The following SERPINA12 variants were observed in gnomAD, a reference collection of about 807,000 sequenced individuals.
SERPINA12 encodes serpin A12.
In SERPINA12, 21 loss-of-function variants were observed where a neutral mutation model predicts 25.9. That is an observed-to-expected ratio of 0.81 (90% confidence interval 0.58 to 1.17). SERPINA12 has a LOEUF of 1.17. SERPINA12 is among the 50% of genes most tolerant of loss of function. The pLI, the probability that SERPINA12 is intolerant of heterozygous loss-of-function variation, is 0.00. For synonymous variants in SERPINA12, 220 were observed against 196.0 expected (o/e 1.12, Z -1.02); for missense variants, 562 against 508.3 (o/e 1.11, Z -1.02).
At chr14:94,511,428 AT>A, upstream of SERPINA12, 8 of 985,418 alleles carry the variant, frequency 8.1e-6, no homozygotes, top group African/African-American at 1.7e-5. Context: ...CAGAAAAAAA[AT>A]ATGTGGATAC....
At chr14:94,509,146 C>A (rs973920015) in intron 1 of SERPINA12, among the ~76,000 whole-genome samples, 196 bp downstream of exon 1, 1 of 152,138 alleles carries the variant, frequency 6.6e-6, no homozygotes. Context: ...TGGCAGCCAG[C>A]ACAGACCCAT....
chr14:94,505,146 C>T (rs1734172570), intron 1 of SERPINA12, among the ~76,000 whole-genome samples: 1 of 152,206 alleles, frequency 6.6e-6, no homozygotes, highest in South Asian at 2.1e-4. Context: ...TCGGAGGCCT[C>T]GGAAGAGCCA....
intron 2 of SERPINA12, among the ~76,000 whole-genome samples, chr14:94,496,965 G>A (rs1393839129): frequency 6.6e-6 from 1 of 152,180 alleles, no homozygotes; most frequent in Non-Finnish European, 1.5e-5. Flanking sequence ...CAATTAATGA[G>A]GGCTAATTGA....
chr14:94,509,295 C>T (rs1901041723), intron 1 of SERPINA12, among the ~76,000 whole-genome samples, 47 bp downstream of exon 1: 1 of 150,982 alleles, frequency 6.6e-6, no homozygotes, highest in African/African-American at 2.4e-5. Context: ...CACACACACA[C>T]ACACACACAC....
At chr14:94,511,768 G>T (rs2139866568), upstream of SERPINA12, 1 of 963,982 alleles carries the variant, frequency 1.0e-6, no homozygotes, top group East Asian at 1.2e-4. Flanking sequence ...CAGGTGTGGG[G>T]GAGAGAGAAA....
chr14:94,497,586 A>T (rs1234933798), intron 2 of SERPINA12, among the ~76,000 whole-genome samples, 178 bp downstream of exon 2: 1 of 152,222 alleles, frequency 6.6e-6, no homozygotes, highest in East Asian at 1.9e-4. Flanking sequence ...TTTAAATCTC[A>T]ATAACTGTAT....
At chr14:94,494,234 T>C (rs954394151) in intron 3 of SERPINA12, among the ~76,000 whole-genome samples, 2 of 152,200 alleles carry the variant, frequency 1.3e-5, no homozygotes, top group Non-Finnish European at 2.9e-5. Flanking sequence ...CCTAGGGAGA[T>C]CTCTCAAGAC....
At chr14:94,507,510 A>G (rs1900973706) in intron 1 of SERPINA12, among the ~76,000 whole-genome samples, 1 of 152,260 alleles carries the variant, frequency 6.6e-6, no homozygotes, top group African/African-American at 2.4e-5. Flanking sequence ...GACTGAAAAA[A>G]GACAACAACT....
upstream of SERPINA12, chr14:94,510,101 C>T (rs899272617): frequency 7.2e-5 from 71 of 985,266 alleles, no homozygotes; most frequent in Non-Finnish European, 8.6e-5. Flanking sequence ...ATAGGTGACT[C>T]ATAATGCACC....
At chr14:94,498,484 A>G in intron 1 of SERPINA12, 54 bp from the exon 2 acceptor site, 1 of 1,398,628 alleles carries the variant, frequency 7.1e-7, no homozygotes, top group Non-Finnish European at 9.8e-7. Flanking sequence ...CATGTTACCC[A>G]GAGGAAGACC....
rs921350740 is a variant in SERPINA12 at position 94,492,087 on chromosome 14, T to C, written c.906-2320A>G. Among the ~76,000 whole-genome samples, 2 of 151,908 alleles carry C rather than the reference T, an allele frequency of 1.3e-5. 1 individual carries two copies. ...GGGAGGTGATGTGAGAGTGGAGAGC[T>C]GGAAGCCAAATGAAGAGTGCCTTAA... On this transcript the variant is annotated intron_variant, in intron 3 of 4. Coordinates refer to ENST00000677451, the MANE Select transcript of SERPINA12 (RefSeq NM_001382267.1).
rs912145890 is a variant in SERPINA12 at position 94,508,372 on chromosome 14, A to G, written c.-34+970T>C. Among the ~76,000 whole-genome samples the G allele has an allele frequency of 2.7e-5, 3 of 111,652 alleles. No individual in the cohort carries two copies. The Admixed American group carries it at 3.1e-4, about 11-fold the overall frequency. 73.2% of individuals were successfully genotyped at this position (111,652 alleles called of 152,430 possible). On this transcript the variant is annotated intron_variant, in intron 1 of 4. Coordinates refer to ENST00000677451, the MANE Select transcript of SERPINA12 (RefSeq NM_001382267.1). ...CCACACAAAAATCTAAACAAGTAAG[A>G]AATAAAAGGAGAGAAATAGAAAATT...
Position 94,497,840 on chromosome 14 carries a change from A to G in SERPINA12, c.558T>C (p.His186=). 1 of 1,614,066 alleles carries G rather than the reference A, an allele frequency of 6.2e-7. No homozygotes were observed. Among genetic ancestry groups the G allele is most frequent in the South Asian group, 1.1e-5 (1 of 91,062 alleles). ...TCTCGATCAGGTTGTTAATTTTCCC[A>G]TGGGTTTTTTGACTGATAAAGTCAT... The part of the protein sequence containing the change: ...QINDFISQKT[H]GKINNLIENI... Residue 186 remains histidine (H), a synonymous_variant, in exon 2 of 5, where the codon CAT becomes CAC. Coordinates refer to ENST00000677451, the MANE Select transcript of SERPINA12 (RefSeq NM_001382267.1).
chr14:94,515,359 C>T (rs898315760), intron 2 of SERPINA12, among the ~76,000 whole-genome samples: 4 of 152,076 alleles, frequency 2.6e-5, no homozygotes, highest in South Asian at 2.1e-4. Context: ...GGGAGGAACC[C>T]GGAGTTTCTA....
intron 3 of SERPINA12, among the ~76,000 whole-genome samples, chr14:94,493,838 A>G (rs1595687771): frequency 6.6e-6 from 1 of 152,322 alleles, no homozygotes; most frequent in South Asian, 2.1e-4. Context: ...AAGGTGCAAA[A>G]GGAGATGAAG....
rs77694381 is a variant in SERPINA12, at chr14:94,495,810, T to C, written c.905+563A>G. Among the ~76,000 whole-genome samples the C allele has an allele frequency of 7.2e-3, 1,093 of 152,244 alleles. 12 individuals are homozygous for C. The highest frequency in any genetic ancestry group is 0.025 in the African/African-American group (1,055 of 41,548). ...AAACCCAACACCAACTCTTACCTTT[T>C]CCCCCAAAATCTATCAGTAAGCAAG... On this transcript the variant is annotated intron_variant, in intron 3 of 4. Transcript: ENST00000677451.
At chr14:94,506,103 C>T (rs928646845) in intron 1 of SERPINA12, among the ~76,000 whole-genome samples, 4 of 152,172 alleles carry the variant, frequency 2.6e-5, no homozygotes, top group Non-Finnish European at 1.5e-5. Context: ...GCCTGGTGTT[C>T]ATCAGGGGCT....
At chr14:94,502,389 C>A (rs1900768181) in intron 1 of SERPINA12, among the ~76,000 whole-genome samples, 1 of 152,180 alleles carries the variant, frequency 6.6e-6, no homozygotes, top group Non-Finnish European at 1.5e-5. Flanking sequence ...TGTGGGAGGG[C>A]ACTGCTTCCA....
rs957635072 is a variant in SERPINA12 at position 94,502,861 on chromosome 14, C to A, written c.-33-4431G>T. Among the ~76,000 whole-genome samples the A allele has an allele frequency of 5.3e-5, 8 of 152,256 alleles. No individual in the cohort carries two copies. In the East Asian group the frequency reaches 9.6e-4, roughly 18 times the overall value. ...CACTTGGCTGCATGCACCAGACACC[C>A]CTTCCTGCCCCAGAAACCCCTTCCT... On this transcript the variant is annotated intron_variant, in intron 1 of 4. Coordinates refer to ENST00000677451, the MANE Select transcript of SERPINA12 (RefSeq NM_001382267.1).
Sources: gnomAD v4.1 joint callset for allele counts (sites outside exome capture counted in the v4.1 genomes callset) on GRCh38, gnomAD v4.1.1 for gene constraint, MANE v1.5 for transcripts, NCBI Gene and HGNC (gene_info 2026-07-23, HGNC 2026-07-21) for gene names.